The following TAB2 variants were observed in gnomAD, a reference collection of about 807,000 sequenced individuals.
TAB2 encodes TGF-beta-activated kinase 1 and MAP3K7-binding protein 2.
A neutral mutation model predicts 65.0 loss-of-function variants in TAB2; 3 were observed. That is an observed-to-expected ratio of 0.05 (90% CI 0.02 to 0.12). The LOEUF (loss-of-function observed/expected upper bound fraction) is 0.12, where lower values mean the gene tolerates loss of function less well. TAB2 is among the 10% of genes least tolerant of loss of function. The probability of loss-of-function intolerance (pLI) is 1.00; values close to 1 mark genes in which losing one functional copy is unlikely to be tolerated. For missense variants in TAB2, 623 were observed against 840.3 expected (o/e 0.74, Z 3.20); for synonymous variants, 298 against 285.1 (o/e 1.05, Z -0.46).
intron 1 of TAB2, among the ~76,000 whole-genome samples, chr6:149,303,544 T>C (rs1487240400): frequency 1.3e-5 from 2 of 152,180 alleles, no homozygotes; most frequent in Admixed American, 6.5e-5. Context: ...TGTTTACAAA[T>C]AGAAGAAAAT....
intron 1 of TAB2, among the ~76,000 whole-genome samples, chr6:149,308,414 A>G (rs567102453): frequency 6.6e-6 from 1 of 152,330 alleles, no homozygotes; most frequent in African/African-American, 2.4e-5. Context: ...GAAGAAAGAA[A>G]TGTATCTTAT....
chr6:149,388,348 C>T (rs1186671530), intron 3 of TAB2, among the ~76,000 whole-genome samples: 1 of 152,162 alleles, frequency 6.6e-6, no homozygotes, highest in East Asian at 1.9e-4. Context: ...CCTAATTCAG[C>T]AGGAACAGGG....
At chr6:149,399,255 A>G (rs934899337) in intron 6 of TAB2, 71 bp downstream of exon 6, 1 of 1,149,824 alleles carries the variant, frequency 8.7e-7, no homozygotes, top group Non-Finnish European at 1.3e-6. Context: ...TTTCCTGTTC[A>G]GCAACCTTCC....
At chr6:149,235,836 T>C (rs1341404610) in intron 1 of TAB2, among the ~76,000 whole-genome samples, 1 of 151,870 alleles carries the variant, frequency 6.6e-6, no homozygotes. Context: ...AGAAGAAGAG[T>C]CTGGCAGAAG....
chr6:149,223,508 G>A (rs140899539), intron 1 of TAB2, among the ~76,000 whole-genome samples: 3 of 152,180 alleles, frequency 2.0e-5, no homozygotes, highest in East Asian at 3.9e-4. Flanking sequence ...CCAGATTCCC[G>A]GCCTGTCCTA....
intron 6 of TAB2, chr6:149,400,654 A>C: frequency 6.2e-7 from 1 of 1,614,210 alleles, no homozygotes; most frequent in Non-Finnish European, 8.5e-7. Flanking sequence ...GATGTGTTTC[A>C]ACAGCCTACG....
At chr6:149,226,700 T>C (rs1777285764) in intron 1 of TAB2, among the ~76,000 whole-genome samples, 1 of 152,234 alleles carries the variant, frequency 6.6e-6, no homozygotes, top group African/African-American at 2.4e-5. Context: ...GTTTCGTTTT[T>C]GTAAGATACT....
At chr6:149,228,409 C>G (rs775050829) in intron 1 of TAB2, among the ~76,000 whole-genome samples, 2 of 152,090 alleles carry the variant, frequency 1.3e-5, no homozygotes, top group East Asian at 3.9e-4. Context: ...CCGTCAGAAC[C>G]CTCGGCCACC....
chr6:149,400,338 C>T (rs944719409), intron 6 of TAB2: 17 of 1,577,306 alleles, frequency 1.1e-5, no homozygotes, highest in African/African-American at 4.0e-5. Flanking sequence ...TCGTTAGGTG[C>T]GGACCCGCCA....
intron 1 of TAB2, among the ~76,000 whole-genome samples, chr6:149,355,984 A>G (rs919958620): frequency 6.6e-6 from 1 of 152,220 alleles, no homozygotes; most frequent in African/African-American, 2.4e-5. Flanking sequence ...TCCATGTAAC[A>G]CTTAACTAAT....
chr6:149,362,779 A>G (rs1378243011), intron 1 of TAB2, among the ~76,000 whole-genome samples: 3 of 152,176 alleles, frequency 2.0e-5, no homozygotes, highest in Non-Finnish European at 4.4e-5. Flanking sequence ...ATATTTTTAT[A>G]GTCATTGTTT....
intron 3 of TAB2, among the ~76,000 whole-genome samples, chr6:149,381,569 C>CTTT (rs557951574): frequency 5.9e-4 from 56 of 95,528 alleles, no homozygotes; most frequent in Non-Finnish European, 8.1e-4. Flanking sequence ...CCCTCCTATT[C>CTTT]TTTTTTTTTT....
At chr6:149,321,618 C>T (rs1483013597) in intron 1 of TAB2, among the ~76,000 whole-genome samples, 1 of 152,150 alleles carries the variant, frequency 6.6e-6, no homozygotes, top group Admixed American at 6.5e-5. Flanking sequence ...ACAGCTCCTA[C>T]GTTGAGGTTA....
chr6:149,290,438 A>G (rs574221469), intron 1 of TAB2, among the ~76,000 whole-genome samples: 133 of 152,290 alleles, frequency 8.7e-4, no homozygotes, highest in Non-Finnish European at 1.2e-3. Flanking sequence ...TAGATTTACT[A>G]ATTTTTAATT....
Position 149,359,370 on chromosome 6 carries a change from G to A in TAB2, c.-89-10539G>A, listed in dbSNP as rs142228699. 7.3e-4 allele frequency among the ~76,000 whole-genome samples: 111 copies of A among 152,258 alleles called. 1 individual carries two copies. In the East Asian group the frequency reaches 0.021, roughly 28 times the overall value. ...TTTAAGTTTCTTTTCTACACCTGTA[G>A]TGTAAATTTGGATTCCACACCTGTG... On this transcript the variant is annotated intron_variant, in intron 1 of 6. Transcript: ENST00000637181.
intron 1 of TAB2, among the ~76,000 whole-genome samples, chr6:149,330,270 G>A (rs1779744126): frequency 6.6e-6 from 1 of 152,138 alleles, no homozygotes; most frequent in Admixed American, 6.5e-5. Flanking sequence ...AGGTTTTACA[G>A]GATTTTATGT....
rs753946555 is a variant in TAB2 at position 149,379,046 on chromosome 6, T to C, written c.1131T>C (p.Asp377=). Residue 377 remains aspartate, a synonymous_variant, in exon 3 of 7, where the codon GAT becomes GAC. Coordinates refer to ENST00000637181, the MANE Select transcript of TAB2 (RefSeq NM_001292034.3). ...TAGCTGCCAGCCCCCCAAATACGGA[T>C]GAGCTGATGTCCCGTAGTCAACCTA... ...VYIAASPPNT[D]ELMSRSQPKV... The C allele has an allele frequency of 6.2e-7, 1 of 1,614,058 alleles. No homozygotes were observed. Among genetic ancestry groups the C allele is most frequent in the Admixed American group, 1.7e-5 (1 of 60,006 alleles).
chr6:149,371,693 T>C (rs1037201925), intron 2 of TAB2, among the ~76,000 whole-genome samples: 1 of 151,804 alleles, frequency 6.6e-6, no homozygotes, highest in African/African-American at 2.4e-5. Flanking sequence ...AAACAACCAG[T>C]AGGGTAACTG....
chr6:149,237,443 A>G (rs1777514878), intron 1 of TAB2, among the ~76,000 whole-genome samples: 1 of 152,140 alleles, frequency 6.6e-6, no homozygotes, highest in Non-Finnish European at 1.5e-5. Flanking sequence ...CCTCACCCTG[A>G]GAGGCATTGC....
Sources: allele counts gnomAD v4.1 joint callset (sites outside exome capture counted in the v4.1 genomes callset), GRCh38; gene constraint gnomAD v4.1.1; transcripts MANE v1.5; gene names NCBI Gene and HGNC (gene_info 2026-07-23, HGNC 2026-07-21).